The following SPECC1L variants were observed in gnomAD, a reference collection of about 807,000 sequenced individuals.
SPECC1L encodes sperm antigen with calponin homology and coiled-coil domains 1 like.
SPECC1L carries 40 observed loss-of-function variants against 116.8 expected under a neutral mutation model. The observed-to-expected ratio is 0.34, with a 90% CI of 0.27 to 0.45. The LOEUF (loss-of-function observed/expected upper bound fraction) is 0.45, where lower values mean the gene tolerates loss of function less well. SPECC1L is among the 20% of genes least tolerant of loss of function. SPECC1L has a pLI of 1.00. For synonymous variants in SPECC1L, 504 were observed against 500.6 expected, an observed-to-expected ratio of 1.01 and a Z score of -0.09; for missense variants, 1,110 against 1,373.6, an observed-to-expected ratio of 0.81 and a Z score of 3.03.
chr22:24,335,756 G>T (rs1196365580), intron 9 of SPECC1L, among the ~76,000 whole-genome samples: 1 of 152,118 alleles, frequency 6.6e-6, no homozygotes, highest in African/African-American at 2.4e-5. Flanking sequence ...ACACCTTCCA[G>T]TTTAAAATGC....
At chr22:24,349,862 A>G (rs892164340) in intron 11 of SPECC1L, among the ~76,000 whole-genome samples, 6 of 152,180 alleles carry the variant, frequency 3.9e-5, no homozygotes, top group Admixed American at 3.9e-4. Context: ...AATCACCCTC[A>G]GTGTCTGTTC....
chr22:24,279,929 A>G (rs957844907), intron 2 of SPECC1L, among the ~76,000 whole-genome samples: 1 of 152,208 alleles, frequency 6.6e-6, no homozygotes, highest in Non-Finnish European at 1.5e-5. Context: ...CTACATTGTG[A>G]AGTGACAAGT....
chr22:24,357,402 A>T (rs753231098), intron 11 of SPECC1L, among the ~76,000 whole-genome samples: 290 of 152,214 alleles, frequency 1.9e-3, no homozygotes, highest in Non-Finnish European at 2.4e-3. Flanking sequence ...CTCTATAAAA[A>T]TATAAAATGA....
At position 24,321,831 on chromosome 22, in the gene SPECC1L, A is replaced by G. The variant is rs200451144; in HGVS notation, c.851A>G (p.Asn284Ser). ...TTTTCCCTAGAGCAGAGGTTAGACA[A>G]TTCTGAAAAACTGTTTGGCTATCAG... is the stretch of plus-strand genomic sequence containing the variant. ...LGFSLEQRLD[N>S]SEKLFGYQSL... The change falls in exon 5 of 17, where the codon AAT (asparagine) becomes AGT (serine). Residue 284 changes from asparagine to serine, a missense_variant. Transcript: ENST00000314328. The G allele has an allele frequency of 8.1e-6, 13 of 1,614,228 alleles. No individual in the cohort carries two copies. The highest frequency in any genetic ancestry group is 2.2e-5 in the East Asian group (1 of 44,888).
At chr22:24,298,370 G>A (rs1351569046) in intron 2 of SPECC1L, among the ~76,000 whole-genome samples, 1 of 152,220 alleles carries the variant, frequency 6.6e-6, no homozygotes, top group African/African-American at 2.4e-5. Flanking sequence ...TAGTATATAT[G>A]GAGTTGGGCA....
chr22:24,368,677 A>G (rs933624007), intron 13 of SPECC1L, among the ~76,000 whole-genome samples: 1 of 152,022 alleles, frequency 6.6e-6, no homozygotes, highest in Non-Finnish European at 1.5e-5. Flanking sequence ...AGACAGTGCC[A>G]CTCTTGTTGC....
At chr22:24,273,904 A>G (rs1180603582) in intron 1 of SPECC1L, among the ~76,000 whole-genome samples, 1 of 152,196 alleles carries the variant, frequency 6.6e-6, no homozygotes, top group Non-Finnish European at 1.5e-5. Context: ...GATTACAGGC[A>G]TGTGCCACCA....
intron 14 of SPECC1L, among the ~76,000 whole-genome samples, chr22:24,385,167 T>C (rs145363646): frequency 6.6e-6 from 1 of 151,914 alleles, no homozygotes; most frequent in South Asian, 2.1e-4. Context: ...TTTGATAAAA[T>C]ATATATTTTT....
At chr22:24,283,918 T>A (rs188923738) in intron 2 of SPECC1L, among the ~76,000 whole-genome samples, 4 of 152,350 alleles carry the variant, frequency 2.6e-5, no homozygotes, top group Admixed American at 2.0e-4. Context: ...TATTTTCCTC[T>A]GATAGCTGTA....
chr22:24,411,185 C>T (rs1034218682), intron 14 of SPECC1L, among the ~76,000 whole-genome samples: 3 of 150,994 alleles, frequency 2.0e-5, no homozygotes, highest in Admixed American at 1.3e-4. Context: ...GAGACTCCAT[C>T]TCAAACAAAC....
At chr22:24,351,759 C>G (rs2041429064) in intron 11 of SPECC1L, among the ~76,000 whole-genome samples, 1 of 152,222 alleles carries the variant, frequency 6.6e-6, no homozygotes, top group Admixed American at 6.5e-5. Context: ...AGTAGGATTT[C>G]TGAGCTCTGT....
chr22:24,360,901 TA>T (rs2041630356), intron 11 of SPECC1L, among the ~76,000 whole-genome samples: 1 of 152,192 alleles, frequency 6.6e-6, no homozygotes, highest in African/African-American at 2.4e-5. Context: ...CCTTTACGGG[TA>T]AATGCCAACT....
chr22:24,397,268 G>A (rs2042386993), intron 14 of SPECC1L, among the ~76,000 whole-genome samples: 1 of 152,138 alleles, frequency 6.6e-6, no homozygotes, highest in Non-Finnish European at 1.5e-5. Flanking sequence ...AATAAAATAA[G>A]TTCATCGTAA....
chr22:24,385,673 T>C (rs1033828108), intron 14 of SPECC1L, among the ~76,000 whole-genome samples: 6 of 152,204 alleles, frequency 3.9e-5, no homozygotes, highest in African/African-American at 1.4e-4. Flanking sequence ...ATTGGAAGAC[T>C]TCATGCTGCC....
intron 14 of SPECC1L, among the ~76,000 whole-genome samples, chr22:24,396,920 A>G (rs1257077911): frequency 6.6e-6 from 1 of 152,216 alleles, no homozygotes; most frequent in Non-Finnish European, 1.5e-5. Flanking sequence ...TCAGGAGTGA[A>G]GTGCCACGCA....
chr22:24,406,345 TGCTCAGCAGGCAGTAGGGAAGACA>T (rs1342710045), intron 14 of SPECC1L, among the ~76,000 whole-genome samples: 1 of 151,226 alleles, frequency 6.6e-6, no homozygotes, highest in Non-Finnish European at 1.5e-5. Context: ...AGGGGAGGAG[TGCTCAGCAGGCAGTAGGGAAGACA>T]GGGCATGAAC....
chr22:24,377,283 G>C (rs1055254812), intron 14 of SPECC1L, among the ~76,000 whole-genome samples: 1 of 151,964 alleles, frequency 6.6e-6, no homozygotes, highest in African/African-American at 2.4e-5. Flanking sequence ...TACACTTTTG[G>C]GGGGGTTATT....
rs541274947 is a variant in SPECC1L at position 24,384,552 on chromosome 22, A to T, written c.3087+15232A>T. Among the ~76,000 whole-genome samples, 10 of 152,292 alleles carry T rather than the reference A, an allele frequency of 6.6e-5. No individual in the cohort carries two copies. In the South Asian group the frequency reaches 2.1e-3, roughly 32 times the overall value. On this transcript the variant is annotated intron_variant, in intron 14 of 16. Transcript: ENST00000314328. ...AAGTTAGGAGGGGGACAGTAAATGT[A>T]ATTAAGGTGTTGCAAGGTCTTTGAA...
chr22:24,350,299 T>C (rs1404767618), intron 11 of SPECC1L, among the ~76,000 whole-genome samples: 2 of 152,126 alleles, frequency 1.3e-5, no homozygotes, highest in African/African-American at 4.8e-5. Flanking sequence ...TTTATTTCTT[T>C]CTCTTATTTC....
Sources: allele counts gnomAD v4.1 joint callset (sites outside exome capture counted in the v4.1 genomes callset), GRCh38; gene constraint gnomAD v4.1.1; transcripts MANE v1.5; gene names NCBI Gene and HGNC (gene_info 2026-07-23, HGNC 2026-07-21).